Variants in ADARB1 observed in about 807,000 individuals in gnomAD.
The protein encoded by ADARB1 is adenosine deaminase RNA specific B1.
Under a neutral mutation model 52.4 loss-of-function variants are expected in ADARB1, and 10 were observed. That is an observed-to-expected ratio of 0.19 (90% confidence interval 0.12 to 0.32). The LOEUF (loss-of-function observed/expected upper bound fraction) is 0.32. Ranked by LOEUF, ADARB1 falls within the 10% of genes least tolerant of loss-of-function variation. ADARB1 has a pLI of 1.00. For missense variants in ADARB1, 643 were observed against 922.3 expected (o/e 0.70, Z 3.92); for synonymous variants, 349 against 371.1 (o/e 0.94, Z 0.68).
rs1465385645 is a variant in ADARB1, at chr21:45,200,784, G to A, written c.1566-3771G>A. Among the ~76,000 whole-genome samples, 1 of 152,160 alleles carries A rather than the reference G, an allele frequency of 6.6e-6. No individual in the cohort carries two copies. The highest frequency in any genetic ancestry group is 1.9e-4 in the East Asian group (1 of 5,196). The stretch of plus-strand genomic sequence containing the variant: ...CCTTCCTGAAAGCCTGGCTGACTGG[G>A]CCGAGTGCTGTGGAGGCTGTGGTTT... On this transcript the variant is annotated intron_variant, in intron 8 of 10. Transcript: ENST00000348831. This position sits in a 1 kb window ranked among gnomAD's most constrained non-coding sequence, Gnocchi z 5.0.
In ADARB1 at chr21:45,221,106, T is replaced by C; in HGVS notation, c.1926+92T>C. 2 of 1,376,064 alleles carry C rather than the reference T, an allele frequency of 1.5e-6. No homozygotes were observed. Among genetic ancestry groups the C allele is most frequent in the South Asian group, 1.4e-5 (1 of 71,912 alleles). The allele number at this position is 1,376,064 out of a possible 1,614,324, so 85.2% of individuals were successfully genotyped here. ...TACTGTTCCTTAAGTTGTTTCATCA[T>C]GTCATCATGCACAGCTTCCGAAAAC... On this transcript the variant is annotated intron_variant, in intron 10 of 10. Transcript: ENST00000348831. The surrounding 1 kb of genome is among the most constrained non-coding windows in gnomAD (Gnocchi z 4.9).
chr21:45,134,243 GC>G, intron 2 of ADARB1, among the ~76,000 whole-genome samples: 2 of 115,356 alleles, frequency 1.7e-5, no homozygotes, highest in Admixed American at 8.2e-5. Flanking sequence ...CCGGGTGTGT[GC>G]CCGACAGTGG....
chr21:45,105,341 A>G (rs2087201088), intron 1 of ADARB1, among the ~76,000 whole-genome samples: 1 of 152,142 alleles, frequency 6.6e-6, no homozygotes, highest in African/African-American at 2.4e-5. Context: ...CCCTCAGATG[A>G]TCTGCCTGCC....
intron 8 of ADARB1, among the ~76,000 whole-genome samples, chr21:45,201,381 TG>T (rs1300441301): frequency 6.6e-5 from 10 of 152,208 alleles, no homozygotes; most frequent in Non-Finnish European, 4.4e-5. Context: ...TCAGAATTAA[TG>T]ACTCCTAACA....
chr21:45,218,112 T>C (rs1425123260), intron 9 of ADARB1, among the ~76,000 whole-genome samples: 1 of 152,218 alleles, frequency 6.6e-6, no homozygotes, highest in Non-Finnish European at 1.5e-5. Context: ...ATTTGGAAAT[T>C]TTTTATTCAT....
At position 45,222,436 on chromosome 21, in the gene ADARB1, G is replaced by A. The variant is rs574851061; in HGVS notation, c.*239G>A. ...CATCGCCGCCTGGCATCTCTCTGCC[G>A]CAGCATTTCCCCTTCTGAACCGTCC... is the stretch of plus-strand genomic sequence containing the variant. On this transcript the variant is annotated 3_prime_UTR_variant, in exon 11 of 11. Transcript: ENST00000348831. 1.2e-3 allele frequency: 1,556 copies of A among 1,284,764 alleles called. No homozygotes were observed. Among genetic ancestry groups the A allele is most frequent in the South Asian group, 2.2e-3 (79 of 35,126 alleles). The allele number at this position is 1,284,764 out of a possible 1,614,324, so 79.6% of individuals were successfully genotyped here.
chr21:45,104,412 A>G (rs2087159495), intron 1 of ADARB1, among the ~76,000 whole-genome samples: 1 of 152,082 alleles, frequency 6.6e-6, no homozygotes, highest in Non-Finnish European at 1.5e-5. Context: ...GACTCCTGGG[A>G]TAGAGTGAGT....
At chr21:45,095,731 T>A (rs989585617) in intron 1 of ADARB1, among the ~76,000 whole-genome samples, 3 of 152,114 alleles carry the variant, frequency 2.0e-5, no homozygotes, top group African/African-American at 7.2e-5. Flanking sequence ...GATAAGGAGT[T>A]CAGGAAACCC....
intron 1 of ADARB1, among the ~76,000 whole-genome samples, chr21:45,110,015 A>T (rs1347158278): frequency 6.6e-6 from 1 of 152,100 alleles, no homozygotes; most frequent in Non-Finnish European, 1.5e-5. Flanking sequence ...TTTTTACCTC[A>T]CAGTCCTCGC....
At chr21:45,193,715 A>G (rs2092357264) in intron 8 of ADARB1, among the ~76,000 whole-genome samples, 1 of 152,278 alleles carries the variant, frequency 6.6e-6, no homozygotes, top group African/African-American at 2.4e-5. Flanking sequence ...AATGTAAAAT[A>G]CAAAATCAGT....
intron 2 of ADARB1, among the ~76,000 whole-genome samples, chr21:45,160,389 C>T (rs1489807690): frequency 2.6e-5 from 4 of 152,274 alleles, no homozygotes; most frequent in Non-Finnish European, 4.4e-5. Flanking sequence ...GAGTGGCTTT[C>T]AGCCTTCTTG....
chr21:45,134,040 A>ACAG (rs2089165012), intron 2 of ADARB1, among the ~76,000 whole-genome samples: 1 of 82,558 alleles, frequency 1.2e-5, no homozygotes. Context: ...TGTGCGCCCG[A>ACAG]TGGGTGTGTG....
At position 45,176,181 on chromosome 21, in the gene ADARB1, T is replaced by G. The variant is rs769133025; in HGVS notation, c.480T>G (p.Ser160=). The G allele has an allele frequency of 6.2e-7, 1 of 1,614,208 alleles. No individual in the cohort carries two copies. The highest frequency in any genetic ancestry group is 8.5e-7 in the Non-Finnish European group (1 of 1,180,038). ...EAHLAMGRTL[S]VNTDFTSDQA... is the part of the protein sequence containing the mutation. ...ACCTGGCCATGGGGAGGACCCTGTC[T>G]GTCAACACGGACTTCACATCTGACC... The change falls in exon 4 of 11, where the codon TCT becomes TCG. Residue 160 remains serine (S), a synonymous_variant. Coordinates refer to ENST00000348831, the MANE Select transcript of ADARB1 (RefSeq NM_001112.4). This position sits in a 1 kb window ranked among gnomAD's most constrained non-coding sequence, Gnocchi z 5.8.
chr21:45,162,044 AAG>A (rs1264676855), intron 2 of ADARB1, among the ~76,000 whole-genome samples: 2 of 152,172 alleles, frequency 1.3e-5, no homozygotes, highest in Non-Finnish European at 2.9e-5. Context: ...GCAGGTCTGA[AAG>A]AGCTGTAACA....
At chr21:45,193,926 G>A (rs1048770912) in intron 8 of ADARB1, among the ~76,000 whole-genome samples, 2 of 152,316 alleles carry the variant, frequency 1.3e-5, no homozygotes, top group Non-Finnish European at 1.5e-5. Flanking sequence ...TAGACTCAAT[G>A]CAATCCTAAT....
intron 2 of ADARB1, among the ~76,000 whole-genome samples, chr21:45,168,430 A>G (rs944918011): frequency 7.2e-5 from 11 of 152,180 alleles, no homozygotes; most frequent in Admixed American, 2.6e-4. Context: ...GTAACTTTCT[A>G]AAAGTTTTAT....
chr21:45,105,419 A>T (rs2087204546), intron 1 of ADARB1, among the ~76,000 whole-genome samples: 1 of 152,082 alleles, frequency 6.6e-6, no homozygotes, highest in South Asian at 2.1e-4. Flanking sequence ...TTGTATTTTA[A>T]TATTTGTGTA....
At chr21:45,132,930 A>T (rs1049135681) in intron 2 of ADARB1, among the ~76,000 whole-genome samples, 19 of 152,230 alleles carry the variant, frequency 1.2e-4, no homozygotes, top group African/African-American at 4.6e-4. Context: ...TAGAAAATAC[A>T]CCATAAAAGA....
rs976404876 is a variant in ADARB1 at position 45,225,399 on chromosome 21, C to G, written c.*3202C>G. ...TTGGAGAATTTTTTGTAATTAAAAG[C>G]AATTATTTTAAAATGTGCAAGCCAG... is the stretch of plus-strand genomic sequence containing the variant. On this transcript the variant is annotated 3_prime_UTR_variant, in exon 11 of 11. Transcript: ENST00000348831. The G allele has an allele frequency of 2.3e-6, 3 of 1,286,470 alleles. No homozygotes were observed. The highest frequency in any genetic ancestry group is 3.0e-6 in the Non-Finnish European group (3 of 1,015,338). 79.7% of individuals were successfully genotyped at this position (1,286,470 alleles called of 1,614,324 possible). A position where few individuals can be genotyped will look rare whatever the true frequency, so the allele number is the denominator to read the frequency against.
Sources: gnomAD v4.1 joint callset for allele counts (sites outside exome capture counted in the v4.1 genomes callset) on GRCh38, gnomAD v4.1.1 for gene constraint, Gnocchi (gnomAD v3.1) non-coding constraint, MANE v1.5 for transcripts, NCBI Gene and HGNC (gene_info 2026-07-23, HGNC 2026-07-21) for gene names.